SH3PXD2B: variants seen among roughly 807,000 people sequenced by gnomAD.
The protein encoded by SH3PXD2B is SH3 and PX domain-containing protein 2B.
Under a neutral mutation model 73.1 loss-of-function variants are expected in SH3PXD2B, and 37 were observed. The observed-to-expected ratio is 0.51, with a 90% CI of 0.39 to 0.67. SH3PXD2B has a LOEUF of 0.67. Among genes scored for constraint, SH3PXD2B ranks in the 30% least tolerant of loss-of-function variants. SH3PXD2B has a pLI of 0.00. For missense variants in SH3PXD2B, 1,053 were observed against 1,197.8 expected (o/e 0.88, Z 1.78); for synonymous variants, 457 against 480.5 (o/e 0.95, Z 0.64).
chr5:172,400,876 C>T (rs1325108346), intron 3 of SH3PXD2B, among the ~76,000 whole-genome samples: 1 of 152,172 alleles, frequency 6.6e-6, no homozygotes, highest in Non-Finnish European at 1.5e-5. Context: ...TTGCCCAGAC[C>T]TTGGGAATCC....
At chr5:172,358,518 T>C (rs538009598) in intron 8 of SH3PXD2B, among the ~76,000 whole-genome samples, 1 of 152,256 alleles carries the variant, frequency 6.6e-6, no homozygotes, top group South Asian at 2.1e-4. Context: ...TGGGGTCCCA[T>C]GAAAGGGTTA....
chr5:172,440,323 T>G (rs2731690), intron 1 of SH3PXD2B, among the ~76,000 whole-genome samples: 1 of 152,052 alleles, frequency 6.6e-6, no homozygotes, highest in Admixed American at 6.5e-5. Flanking sequence ...TTTCTGCCAC[T>G]CCACCCTGCA....
intron 3 of SH3PXD2B, among the ~76,000 whole-genome samples, chr5:172,398,326 G>C (rs1758352244): frequency 1.3e-5 from 2 of 152,014 alleles, no homozygotes; most frequent in Admixed American, 1.3e-4. Context: ...TGCTTTTACT[G>C]TACCATCTAT....
intron 6 of SH3PXD2B, among the ~76,000 whole-genome samples, chr5:172,366,304 G>T (rs1370191446): frequency 2.6e-5 from 4 of 152,190 alleles, no homozygotes; most frequent in African/African-American, 9.7e-5. Context: ...AGGGGAGGCA[G>T]ATCCTGTAAC....
chr5:172,409,267 A>C (rs912369969), intron 2 of SH3PXD2B, among the ~76,000 whole-genome samples: 7 of 152,112 alleles, frequency 4.6e-5, no homozygotes, highest in Non-Finnish European at 1.5e-5. Context: ...CTGTAATCCC[A>C]GCTACTAGGG....
chr5:172,426,801 G>C (rs1052696264), intron 1 of SH3PXD2B, among the ~76,000 whole-genome samples: 1 of 152,210 alleles, frequency 6.6e-6, no homozygotes, highest in Non-Finnish European at 1.5e-5. Context: ...CTGTCACACA[G>C]AAGAAAGCAG....
rs143075726 is a variant in SH3PXD2B at position 172,436,806 on chromosome 5, G to C, written c.76-14310C>G. ...AAAGCCGTCCTGCTCTACAGCCAGA[G>C]CAAGCTTAAATGCCAAAGCACATGC... On this transcript the variant is annotated intron_variant, in intron 1 of 12. Transcript: ENST00000311601. Among the ~76,000 whole-genome samples, 294 of 152,364 alleles carry C rather than the reference G, an allele frequency of 1.9e-3. 2 individuals carry two copies. The highest frequency in any genetic ancestry group is 6.7e-3 in the African/African-American group (278 of 41,588).
intron 1 of SH3PXD2B, among the ~76,000 whole-genome samples, chr5:172,433,274 A>G (rs1008228799): frequency 2.6e-5 from 4 of 152,134 alleles, no homozygotes; most frequent in Admixed American, 6.5e-5. Flanking sequence ...GTAAGTACAC[A>G]CTGTGATATT....
intron 7 of SH3PXD2B, 68 bp downstream of exon 7, chr5:172,362,667 C>T (rs1451060591): frequency 6.2e-7 from 1 of 1,612,024 alleles, no homozygotes; most frequent in Admixed American, 1.7e-5. Flanking sequence ...TTCTGAGTTT[C>T]CAAATGTTTC....
Position 172,334,527 on chromosome 5 carries a change from A to T in SH3PXD2B, c.*3842T>A. The T allele has an allele frequency of 1.3e-5, 13 of 985,602 alleles. No homozygotes were observed. Among genetic ancestry groups the T allele is most frequent in the Non-Finnish European group, 1.6e-5 (13 of 830,058 alleles). 61.1% of individuals were successfully genotyped at this position (985,602 alleles called of 1,614,324 possible). A position where few individuals can be genotyped will look rare whatever the true frequency, so the allele number is the denominator to read the frequency against. On this transcript the variant is annotated 3_prime_UTR_variant, in exon 13 of 13. Transcript: ENST00000311601. ...CTGGACAACCCTTGGGGGATAAGAC[A>T]GCCACACATGGCTCAGGCTGTTAGG...
At chr5:172,423,844 T>C (rs1417511169) in intron 1 of SH3PXD2B, among the ~76,000 whole-genome samples, 1 of 152,166 alleles carries the variant, frequency 6.6e-6, no homozygotes, top group African/African-American at 2.4e-5. Flanking sequence ...GGTTTTGTCA[T>C]GTTGCTCAGG....
chr5:172,364,537 C>T (rs934995192), intron 6 of SH3PXD2B, among the ~76,000 whole-genome samples: 5 of 152,046 alleles, frequency 3.3e-5, no homozygotes, highest in Admixed American at 6.5e-5. Flanking sequence ...TGCTGGCACG[C>T]GCCTGTAGTC....
At chr5:172,410,648 G>A (rs535406192) in intron 2 of SH3PXD2B, among the ~76,000 whole-genome samples, 6 of 152,220 alleles carry the variant, frequency 3.9e-5, no homozygotes, top group African/African-American at 1.2e-4. Context: ...ACCAATGAAC[G>A]CAACTGAGCA....
chr5:172,356,745 G>A (rs2113305621), intron 8 of SH3PXD2B: 1 of 152,492 alleles, frequency 6.6e-6, no homozygotes, highest in Non-Finnish European at 1.5e-5. Flanking sequence ...CGGCCCACCG[G>A]CCGGGGCAGA....
At chr5:172,392,108 T>C (rs1758204376) in intron 4 of SH3PXD2B, among the ~76,000 whole-genome samples, 1 of 152,006 alleles carries the variant, frequency 6.6e-6, no homozygotes, top group Admixed American at 6.6e-5. Context: ...ACCCCCTATT[T>C]ATATATTAAA....
chr5:172,327,752 G>GTTTTTT (rs3053146), intron 12 of SH3PXD2B, among the ~76,000 whole-genome samples: 76 of 142,436 alleles, frequency 5.3e-4, no homozygotes, highest in African/African-American at 1.9e-3. Flanking sequence ...CTGCAACTGG[G>GTTTTTT]TTTTTTTTTT....
At chr5:172,429,446 C>T (rs768938004) in intron 1 of SH3PXD2B, among the ~76,000 whole-genome samples, 12 of 152,144 alleles carry the variant, frequency 7.9e-5, no homozygotes, top group Non-Finnish European at 1.2e-4. Flanking sequence ...GGATTTGAGC[C>T]GGAATCATCT....
At chr5:172,375,077 GGCCAGGAGCGGTGGTTCAC>G (rs1442444950) in intron 5 of SH3PXD2B, among the ~76,000 whole-genome samples, 2 of 152,176 alleles carry the variant, frequency 1.3e-5, no homozygotes, top group African/African-American at 2.4e-5. Context: ...TCATCCTTTA[GGCCAGGAGCGGTGGTTCAC>G]GCCTGTAATC....
chr5:172,373,129 G>A (rs1757742690), intron 6 of SH3PXD2B, among the ~76,000 whole-genome samples: 1 of 152,328 alleles, frequency 6.6e-6, no homozygotes, highest in East Asian at 1.9e-4. Context: ...AATGGCAATA[G>A]GGACGGGAGT....
Sources: gnomAD v4.1 joint callset for allele counts (sites outside exome capture counted in the v4.1 genomes callset) on GRCh38, gnomAD v4.1.1 for gene constraint, MANE v1.5 for transcripts, NCBI Gene and HGNC (gene_info 2026-07-23, HGNC 2026-07-21) for gene names.